The following BROX variants were observed in gnomAD, a reference collection of about 807,000 sequenced individuals.
The protein encoded by BROX is BRO1 domain and CAAX motif containing.
In BROX, 53 loss-of-function variants were observed where a neutral mutation model predicts 61.0. The ratio of observed to expected loss-of-function variants is 0.87; its 90% CI spans 0.70 to 1.09. BROX has a LOEUF of 1.09. Among genes scored for constraint, BROX ranks in the 50% least tolerant of loss-of-function variants. The probability of loss-of-function intolerance (pLI) is 0.00; values close to 1 mark genes in which losing one functional copy is unlikely to be tolerated. For synonymous variants in BROX, 152 were observed against 160.2 expected, an observed-to-expected ratio of 0.95 and a Z score of 0.38; for missense variants, 489 against 472.0, an observed-to-expected ratio of 1.04 and a Z score of -0.33.
rs977231672 is a variant in BROX, at chr1:222,726,408, A to G, written c.581-760A>G. On this transcript the variant is annotated intron_variant, in intron 7 of 12. Coordinates refer to ENST00000340934, the MANE Select transcript of BROX (RefSeq NM_144695.4). ...TGGCAAGACCTCCATCTCTACAAAA[A>G]GTTATTTAAAAAATTAGCCAGTTGG... Among the ~76,000 whole-genome samples the G allele has an allele frequency of 3.3e-5, 5 of 152,164 alleles. No homozygotes were observed. The South Asian group carries it at 1.0e-3, about 32-fold the overall frequency.
Position 222,732,766 on chromosome 1 carries a change from A to C in BROX, c.*52A>C. The C allele has an allele frequency of 1.5e-6, 2 of 1,366,242 alleles. No individual in the cohort carries two copies. Among genetic ancestry groups the C allele is most frequent in the Non-Finnish European group, 2.1e-6 (2 of 970,464 alleles). The allele number at this position is 1,366,242 out of a possible 1,614,324, so 84.6% of individuals were successfully genotyped here. ...TAGCAGTAAATAAGATAAACCACAG[A>C]ATTTCAGTTCTTATTTCTCAAAATG... is the stretch of plus-strand genomic sequence containing the variant. On this transcript the variant is annotated 3_prime_UTR_variant, in exon 13 of 13. Transcript: ENST00000340934.
At chr1:222,729,983 GT>G (rs771025405) in intron 10 of BROX, 43 bp from the exon 11 acceptor site, 189 of 1,562,396 alleles carry the variant, frequency 1.2e-4, no homozygotes, top group Non-Finnish European at 1.6e-4. Context: ...TAAATAGGCA[GT>G]GTTAATTATA....
chr1:222,719,275 C>G lies in BROX; in HGVS notation c.221C>G (p.Ser74Cys). The change falls in exon 4 of 13, where the codon TCT becomes TGT. Residue 74 changes from serine (S) to cysteine (C), a missense_variant. Coordinates refer to ENST00000340934, the MANE Select transcript of BROX (RefSeq NM_144695.4). ...TACTTTTCTATAGGTTTCATAAATT[C>G]TTTGGATGAATCTACCCAAGAAAGC... The part of the protein sequence containing the change: ...YFSLLQGFIN[S>C]LDESTQESKL... 1 of 1,588,664 alleles carries G rather than the reference C, an allele frequency of 6.3e-7. No homozygotes were observed. The highest frequency in any genetic ancestry group is 1.1e-5 in the South Asian group (1 of 90,422).
In BROX at chr1:222,728,732, T is replaced by G. The variant is rs1185770986; in HGVS notation, c.671-11T>G. 6.4e-7 allele frequency: 1 copy of G among 1,550,812 alleles called. No individual in the cohort carries two copies. On this transcript the variant is annotated splice_polypyrimidine_tract_variant and intron_variant, in intron 8 of 12. Coordinates refer to ENST00000340934, the MANE Select transcript of BROX (RefSeq NM_144695.4). ...CGAAATTATATTTTGCTTTTTAAAA[T>G]GTAACTTTAGATCATACTTTATCCA...
At position 222,725,597 on chromosome 1, in the gene BROX, A is replaced by G. The variant is rs773347773; in HGVS notation, c.580+42A>G. On this transcript the variant is annotated intron_variant, in intron 7 of 12. Transcript: ENST00000340934. ...AAGATTTTTTTAAATGAAAGTCTAT[A>G]TTGTCATTGAATTCCTCTTTAAAAA... The G allele has an allele frequency of 3.4e-6, 5 of 1,458,534 alleles. No homozygotes were observed. In the South Asian group the frequency reaches 4.9e-5, roughly 14 times the overall value. 90.3% of individuals were successfully genotyped at this position (1,458,534 alleles called of 1,614,324 possible).
intron 2 of BROX, 113 bp from the exon 3 acceptor site, chr1:222,718,812 C>CGT: frequency 1.3e-6 from 1 of 764,508 alleles, no homozygotes; most frequent in Non-Finnish European, 2.3e-6. Flanking sequence ...AAACCTGGTG[C>CGT]GTGTGTGTAT....
rs200655590 is a variant in BROX, at chr1:222,718,920, A to G, written c.102-5A>G. 5.6e-6 allele frequency: 9 copies of G among 1,611,366 alleles called. No individual in the cohort carries two copies. The highest frequency in any genetic ancestry group is 5.5e-5 in the South Asian group (5 of 90,890). ...ACTTTACTGTCTTTTTGTATCTCTTATAAGTGACTTGAGGTCATCCAGGGC... is the reference window on the plus strand; with the variant it reads ...ACTTTACTGTCTTTTTGTATCTCTTGTAAGTGACTTGAGGTCATCCAGGGC... On this transcript the variant is annotated splice_polypyrimidine_tract_variant and splice_region_variant and intron_variant, in intron 2 of 12. Transcript: ENST00000340934.
chr1:222,721,660 A>G (rs1476544157), intron 4 of BROX, among the ~76,000 whole-genome samples: 2 of 152,126 alleles, frequency 1.3e-5, no homozygotes, highest in Admixed American at 1.3e-4. Flanking sequence ...TGCCATCTTT[A>G]TTTCATACTT....
At chr1:222,723,825 C>T (rs761154883) in intron 5 of BROX, among the ~76,000 whole-genome samples, 2 of 152,076 alleles carry the variant, frequency 1.3e-5, no homozygotes, top group Non-Finnish European at 2.9e-5. Context: ...ATTACAGGTG[C>T]CTGCCACCAT....
chr1:222,712,625 A>C lies in BROX; in HGVS notation c.-334A>C, dbSNP rs966851904. ...TCCCTCGGCTCCGGAGGTAGGGGCA[A>C]CTCTTCTCTTCCTGTCTGGGAAAAA... On this transcript the variant is annotated 5_prime_UTR_variant, in exon 1 of 13. Coordinates refer to ENST00000340934, the MANE Select transcript of BROX (RefSeq NM_144695.4). 3.8e-6 allele frequency: 5 copies of C among 1,333,330 alleles called. No homozygotes were observed. Among genetic ancestry groups the C allele is most frequent in the East Asian group, 3.9e-5 (1 of 25,388 alleles). The allele number at this position is 1,333,330 out of a possible 1,614,324, so 82.6% of individuals were successfully genotyped here.
Position 222,723,980 on chromosome 1 carries a change from A to G in BROX, c.402-112A>G, listed in dbSNP as rs577360665. ...ATTTATTTTTAAAAGGAAGAAAATT[A>G]GCAGTGAGAAACATAAATGACTACT... On this transcript the variant is annotated intron_variant, in intron 5 of 12. Coordinates refer to ENST00000340934, the MANE Select transcript of BROX (RefSeq NM_144695.4). The G allele has an allele frequency of 7.0e-6, 5 of 713,710 alleles. No homozygotes were observed. The Admixed American group carries it at 1.6e-4, about 23-fold the overall frequency. 44.2% of individuals were successfully genotyped at this position (713,710 alleles called of 1,614,324 possible). A position where few individuals can be genotyped will look rare whatever the true frequency, so the allele number is the denominator to read the frequency against.
chr1:222,724,008 G>A, intron 5 of BROX, 84 bp from the exon 6 acceptor site: 1 of 916,058 alleles, frequency 1.1e-6, no homozygotes, highest in South Asian at 1.6e-5. Context: ...TGACTACTTT[G>A]GATGTATAAT....
In BROX at chr1:222,731,546, A is replaced by G. The variant is rs1331883021; in HGVS notation, c.1149+30A>G. The stretch of plus-strand genomic sequence containing the variant: ...GAGATTGTTTTTTTTTTTCCCTCTC[A>G]TTCACAAAAGTTTAAAAGAAAATTC... On this transcript the variant is annotated intron_variant, in intron 12 of 12. Coordinates refer to ENST00000340934, the MANE Select transcript of BROX (RefSeq NM_144695.4). The G allele has an allele frequency of 3.8e-6, 6 of 1,566,284 alleles. No homozygotes were observed. In the African/African-American group the frequency reaches 7.0e-5, roughly 18 times the overall value.
At chr1:222,714,930 T>A (rs1028024442) in intron 1 of BROX, among the ~76,000 whole-genome samples, 2 of 152,218 alleles carry the variant, frequency 1.3e-5, no homozygotes, top group African/African-American at 4.8e-5. Context: ...TGTATTACAT[T>A]TTTATTTTAA....
chr1:222,728,370 C>T (rs1237351821), intron 8 of BROX, among the ~76,000 whole-genome samples: 1 of 152,002 alleles, frequency 6.6e-6, no homozygotes, highest in African/African-American at 2.4e-5. Flanking sequence ...GGAGAGTATC[C>T]TATTTCTGAT....
In BROX at chr1:222,730,105, A is replaced by G. The variant is rs1657825219; in HGVS notation, c.917A>G (p.His306Arg). The G allele has an allele frequency of 1.2e-6, 2 of 1,613,278 alleles. No individual in the cohort carries two copies. The highest frequency in any genetic ancestry group is 1.3e-5 in the African/African-American group (1 of 74,924). Residue 306 changes from histidine (H) to arginine (R), a missense_variant, in exon 11 of 13, where the codon CAT becomes CGT. Physicochemically the swap from His to Arg is conservative, Grantham distance 29. Coordinates refer to ENST00000340934, the MANE Select transcript of BROX (RefSeq NM_144695.4). ...GGACCAACAGTCAAACCTTCAGGAC[A>G]TCTGTTCTTTAGGAAACTTGGAAAC... ...GPGPTVKPSG[H>R]LFFRKLGNLV...
At chr1:222,717,459 G>T (rs1221563336) in intron 2 of BROX, among the ~76,000 whole-genome samples, 2 of 152,168 alleles carry the variant, frequency 1.3e-5, no homozygotes, top group Admixed American at 6.5e-5. Context: ...AACTTTACAA[G>T]TTGAGCTGTA....
intron 12 of BROX, among the ~76,000 whole-genome samples, chr1:222,732,169 C>G (rs1657983369): frequency 6.6e-6 from 1 of 151,962 alleles, no homozygotes; most frequent in Non-Finnish European, 1.5e-5. Context: ...AAGAGATAGC[C>G]TATTGCTGTC....
chr1:222,712,748 G>A lies in BROX; in HGVS notation c.-211G>A, dbSNP rs535784424. On this transcript the variant is annotated 5_prime_UTR_variant, in exon 1 of 13. Coordinates refer to ENST00000340934, the MANE Select transcript of BROX (RefSeq NM_144695.4). Reference sequence around the variant, plus strand: ...CAACGCCGCGGCAATACCCGCCCCTGAGCTGCGCGCACTACCGCCTCGGTA... The same window carrying A: ...CAACGCCGCGGCAATACCCGCCCCTAAGCTGCGCGCACTACCGCCTCGGTA... 10 of 1,290,058 alleles carry A rather than the reference G, an allele frequency of 7.8e-6. No homozygotes were observed. The East Asian group carries it at 3.9e-4, about 50-fold the overall frequency. The allele number at this position is 1,290,058 out of a possible 1,614,324, so 79.9% of individuals were successfully genotyped here.
Sources: gnomAD v4.1 joint callset for allele counts (sites outside exome capture counted in the v4.1 genomes callset) on GRCh38, gnomAD v4.1.1 for gene constraint, MANE v1.5 for transcripts, NCBI Gene and HGNC (gene_info 2026-07-23, HGNC 2026-07-21) for gene names.